Variants in WDR72 observed in about 807,000 individuals in gnomAD.
The protein encoded by WDR72 is WD repeat domain 72, also known as WD repeat-containing protein 72.
WDR72 carries 120 observed loss-of-function variants against 124.2 expected under a neutral mutation model. That is an observed-to-expected ratio of 0.97 (90% CI 0.83 to 1.12). The LOEUF (loss-of-function observed/expected upper bound fraction) is 1.12, where lower values mean the gene tolerates loss of function less well. Ranked by LOEUF, WDR72 falls within the 50% of genes most tolerant of loss-of-function variation. The pLI, the probability that WDR72 is intolerant of heterozygous loss-of-function variation, is 0.00. For synonymous variants in WDR72, 452 were observed against 441.7 expected, an observed-to-expected ratio of 1.02 and a Z score of -0.29; for missense variants, 1,387 against 1,278.8, an observed-to-expected ratio of 1.08 and a Z score of -1.29.
At chr15:53,720,359 G>C (rs1031337000) in intron 3 of WDR72, among the ~76,000 whole-genome samples, 2 of 152,122 alleles carry the variant, frequency 1.3e-5, no homozygotes, top group African/African-American at 4.8e-5. Context: ...GTGTGAATGG[G>C]TGTATATAAA....
At chr15:53,523,107 TG>T in intron 19 of WDR72, 110 bp downstream of exon 19, 2 of 977,110 alleles carry the variant, frequency 2.0e-6, no homozygotes, top group South Asian at 2.6e-5. Flanking sequence ...ACAGTGCAGC[TG>T]CTAAGAGAAA....
At chr15:53,689,726 A>G (rs1410967897) in intron 13 of WDR72, among the ~76,000 whole-genome samples, 2 of 151,888 alleles carry the variant, frequency 1.3e-5, no homozygotes, top group Non-Finnish European at 2.9e-5. Flanking sequence ...GTATATACCC[A>G]AAGGACTATG....
At chr15:53,549,988 T>C (rs750097608) in intron 18 of WDR72, among the ~76,000 whole-genome samples, 4 of 152,080 alleles carry the variant, frequency 2.6e-5, no homozygotes, top group Non-Finnish European at 5.9e-5. Flanking sequence ...GAACTTTTGG[T>C]GTCCCCTTTC....
intron 14 of WDR72, among the ~76,000 whole-genome samples, chr15:53,638,289 T>C (rs895483997): frequency 1.3e-5 from 2 of 152,188 alleles, no homozygotes; most frequent in African/African-American, 2.4e-5. Context: ...GGCAGCTCCA[T>C]CACTGCCAGA....
intron 1 of WDR72, among the ~76,000 whole-genome samples, chr15:53,734,103 T>G (rs545692168): frequency 2.4e-4 from 36 of 152,320 alleles, no homozygotes; most frequent in African/African-American, 8.4e-4. Context: ...CCAATATAAA[T>G]TTTTAAAACT....
intron 3 of WDR72, among the ~76,000 whole-genome samples, chr15:53,720,876 T>C (rs1268944320): frequency 6.6e-6 from 1 of 152,066 alleles, no homozygotes; most frequent in Admixed American, 6.6e-5. Context: ...TTGAGAAAAA[T>C]ATTAAACACT....
At chr15:53,614,126 G>T (rs1241204779) in intron 15 of WDR72, among the ~76,000 whole-genome samples, 1 of 152,004 alleles carries the variant, frequency 6.6e-6, no homozygotes, top group Non-Finnish European at 1.5e-5. Context: ...ATCTGTCAAA[G>T]AATTATCCTC....
intron 3 of WDR72, 90 bp downstream of exon 3, chr15:53,722,712 G>T: frequency 8.8e-7 from 1 of 1,134,940 alleles, no homozygotes. Context: ...GATCACAAAG[G>T]TTTCCTTCAG....
Position 53,714,606 on chromosome 15 carries a change from T to C in WDR72, c.515-96A>G, listed in dbSNP as rs532709527. 3.2e-6 allele frequency: 3 copies of C among 933,318 alleles called. No homozygotes were observed. In the East Asian group the frequency reaches 7.5e-5, roughly 23 times the overall value. 57.8% of individuals were successfully genotyped at this position (933,318 alleles called of 1,614,324 possible). On this transcript the variant is annotated intron_variant, in intron 5 of 19. Transcript: ENST00000360509. ...GTCATTTAAGAATTACGCAGGGCTG[T>C]GTAGATAGAAAATTTTCAGCTTTGG...
At chr15:53,543,134 C>T (rs1893240714) in intron 18 of WDR72, among the ~76,000 whole-genome samples, 1 of 138,840 alleles carries the variant, frequency 7.2e-6, no homozygotes, top group Non-Finnish European at 1.6e-5. Context: ...CAGCTCTGCA[C>T]CAAGCGGACC....
rs192271514 is a variant in WDR72 at position 53,517,343 on chromosome 15, A to G, written c.*356T>C. 27 of 284,986 alleles carry G rather than the reference A, an allele frequency of 9.5e-5. No homozygotes were observed. The highest frequency in any genetic ancestry group is 8.8e-4 in the Admixed American group (19 of 21,672). The allele number at this position is 284,986 out of a possible 1,614,324, so 17.7% of individuals were successfully genotyped here. Reference sequence around the variant, plus strand: ...CATTGGTTTTAACATTGTTTATTATATAATTCAGGGACTAAAAGGATAGGA... The same window carrying G: ...CATTGGTTTTAACATTGTTTATTATGTAATTCAGGGACTAAAAGGATAGGA... On this transcript the variant is annotated 3_prime_UTR_variant, in exon 20 of 20. Coordinates refer to ENST00000360509, the MANE Select transcript of WDR72 (RefSeq NM_182758.4).
intron 9 of WDR72, among the ~76,000 whole-genome samples, chr15:53,706,348 GTGTATA>G (rs1399805296): frequency 0.022 from 1,237 of 56,852 alleles, 25 homozygotes; most frequent in African/African-American, 0.047. Context: ...GTGTGTGTGT[GTGTATA>G]TATATATATA....
At chr15:53,648,059 C>T (rs139705646) in intron 14 of WDR72, among the ~76,000 whole-genome samples, 57 of 152,248 alleles carry the variant, frequency 3.7e-4, no homozygotes, top group Middle Eastern at 3.4e-3. Flanking sequence ...CCCCTAACTT[C>T]CCCACCTCTG....
At chr15:53,694,716 C>T (rs139393736) in intron 13 of WDR72, among the ~76,000 whole-genome samples, 1 of 152,328 alleles carries the variant, frequency 6.6e-6, no homozygotes, top group Non-Finnish European at 1.5e-5. Context: ...GACCTTCAAA[C>T]TCACAAAACC....
intron 18 of WDR72, among the ~76,000 whole-genome samples, chr15:53,532,680 A>C (rs1415805934): frequency 6.6e-6 from 1 of 152,084 alleles, no homozygotes; most frequent in East Asian, 1.9e-4. Context: ...GTTAATGAGT[A>C]CAAAAATACA....
chr15:53,731,236 G>C (rs762362701), intron 2 of WDR72, among the ~76,000 whole-genome samples: 1 of 151,848 alleles, frequency 6.6e-6, no homozygotes, highest in Non-Finnish European at 1.5e-5. Context: ...CTTCCCCTCT[G>C]GCCTTACCTC....
At position 53,665,783 on chromosome 15, in the gene WDR72, T is replaced by C; in HGVS notation, c.1766-15A>G. 1 of 1,612,674 alleles carries C rather than the reference T, an allele frequency of 6.2e-7. No individual in the cohort carries two copies. The highest frequency in any genetic ancestry group is 8.5e-7 in the Non-Finnish European group (1 of 1,179,244). On this transcript the variant is annotated splice_polypyrimidine_tract_variant and intron_variant, in intron 13 of 19. Coordinates refer to ENST00000360509, the MANE Select transcript of WDR72 (RefSeq NM_182758.4). ...TTCCAAAGTGCCTGGAAAACAAGAT[T>C]AGAGGTAAAAATGTCAGGAAAATAT...
At chr15:53,626,258 C>T (rs59063921) in intron 14 of WDR72, among the ~76,000 whole-genome samples, 23,427 of 152,152 alleles carry the variant, frequency 0.15, 3,670 homozygotes, top group African/African-American at 0.41. Flanking sequence ...ATAGCTCTAT[C>T]AGAAGCCGTG....
Position 53,597,195 on chromosome 15 carries a change from C to T in WDR72, c.3032G>A (p.Ser1011Asn), listed in dbSNP as rs766420119. The T allele has an allele frequency of 2.5e-6, 4 of 1,613,790 alleles. No homozygotes were observed. The highest frequency in any genetic ancestry group is 3.4e-6 in the Non-Finnish European group (4 of 1,179,900). The change falls in exon 18 of 20, where the codon AGT (serine) becomes AAT (asparagine). Residue 1011 changes from serine to asparagine, a missense_variant. By Grantham distance (46) the Ser-to-Asn change is conservative. Transcript: ENST00000360509. ...ATTCTCTGCCATGGACACTGGTTGA[C>T]TATTGACGGGTATCTTTCCCAAACT... is the stretch of plus-strand genomic sequence containing the variant. ...MKSLGKIPVN[S>N]QPVSMAENGN... is the part of the protein sequence containing the mutation.
Sources: allele counts gnomAD v4.1 joint callset (sites outside exome capture counted in the v4.1 genomes callset), GRCh38; gene constraint gnomAD v4.1.1; transcripts MANE v1.5; gene names NCBI Gene and HGNC (gene_info 2026-07-23, HGNC 2026-07-21).